Variants in SPAG16 observed in about 807,000 individuals in gnomAD.
SPAG16 encodes the protein sperm-associated antigen 16 protein.
A neutral mutation model predicts 80.4 loss-of-function variants in SPAG16; 86 were observed. The observed-to-expected ratio is 1.07, with a 90% confidence interval of 0.90 to 1.28. SPAG16 has a LOEUF of 1.28. SPAG16 is among the 50% of genes most tolerant of loss of function. SPAG16 has a pLI of 0.00. For missense variants in SPAG16, 870 were observed against 765.3 expected, an observed-to-expected ratio of 1.14 and a Z score of -1.61; for synonymous variants, 294 against 265.9, an observed-to-expected ratio of 1.11 and a Z score of -1.03.
chr2:214,046,040 T>A (rs779427332), intron 13 of SPAG16, among the ~76,000 whole-genome samples: 5 of 151,918 alleles, frequency 3.3e-5, no homozygotes, highest in Non-Finnish European at 1.5e-5. Context: ...ACCATAGAAA[T>A]TGAAAGGATT....
At chr2:213,350,452 A>AG (rs2125043052) in intron 6 of SPAG16, 76 bp from the exon 7 acceptor site, 2 of 719,516 alleles carry the variant, frequency 2.8e-6, no homozygotes, top group Non-Finnish European at 2.2e-6. Flanking sequence ...AAAGAAAAAA[A>AG]GGTTTTGATG....
intron 10 of SPAG16, among the ~76,000 whole-genome samples, chr2:213,586,089 T>G (rs1303433371): frequency 6.6e-6 from 1 of 152,220 alleles, no homozygotes; most frequent in Non-Finnish European, 1.5e-5. Flanking sequence ...CTTAAATTCT[T>G]CTTAGCCATA....
At chr2:214,198,668 G>A (rs991215516) in intron 15 of SPAG16, among the ~76,000 whole-genome samples, 10 of 151,924 alleles carry the variant, frequency 6.6e-5, no homozygotes, top group African/African-American at 2.2e-4. Context: ...TCTTTAAGGA[G>A]GCTCTATACT....
chr2:214,152,574 G>A (rs536105184), intron 15 of SPAG16, among the ~76,000 whole-genome samples: 6 of 152,102 alleles, frequency 3.9e-5, no homozygotes, highest in Non-Finnish European at 8.8e-5. Flanking sequence ...CCCTGTGTGC[G>A]GCGACGAGAG....
intron 11 of SPAG16, among the ~76,000 whole-genome samples, chr2:213,870,150 C>T (rs2075890648): frequency 6.6e-6 from 1 of 152,146 alleles, no homozygotes; most frequent in South Asian, 2.1e-4. Flanking sequence ...ATGAAAGTCA[C>T]ATTTTCAGCT....
At chr2:213,879,408 TAC>T (rs987531432) in intron 11 of SPAG16, among the ~76,000 whole-genome samples, 3 of 151,102 alleles carry the variant, frequency 2.0e-5, no homozygotes, top group Admixed American at 6.6e-5. Flanking sequence ...TATATACATA[TAC>T]ACACACACAC....
chr2:213,600,652 T>G (rs899386321), intron 10 of SPAG16, among the ~76,000 whole-genome samples: 1 of 152,210 alleles, frequency 6.6e-6, no homozygotes, highest in African/African-American at 2.4e-5. Context: ...GGAATGATGA[T>G]GTATTAGTTT....
At chr2:213,697,768 C>T (rs2065222839) in intron 10 of SPAG16, among the ~76,000 whole-genome samples, 1 of 152,148 alleles carries the variant, frequency 6.6e-6, no homozygotes, top group Admixed American at 6.5e-5. Flanking sequence ...TATCCTCTCT[C>T]TTCTTTCAGG....
At chr2:213,928,565 AT>A (rs2078599806) in intron 11 of SPAG16, among the ~76,000 whole-genome samples, 1 of 152,140 alleles carries the variant, frequency 6.6e-6, no homozygotes, top group African/African-American at 2.4e-5. Flanking sequence ...AAAACAAAAT[AT>A]TTTTTGATTC....
chr2:213,295,619 T>G (rs1221495695), intron 1 of SPAG16, among the ~76,000 whole-genome samples: 3 of 152,122 alleles, frequency 2.0e-5, no homozygotes, highest in Non-Finnish European at 4.4e-5. Context: ...TTAAACCAAA[T>G]AAAGTCACAT....
At chr2:213,459,787 G>A (rs919302699) in intron 9 of SPAG16, among the ~76,000 whole-genome samples, 1 of 152,164 alleles carries the variant, frequency 6.6e-6, no homozygotes, top group African/African-American at 2.4e-5. Context: ...ATTATCCAAT[G>A]CTTTCAAACA....
intron 10 of SPAG16, among the ~76,000 whole-genome samples, chr2:213,786,510 A>G (rs531775964): frequency 9.8e-5 from 15 of 152,348 alleles, no homozygotes; most frequent in African/African-American, 3.4e-4. Context: ...TTTCTGTTTC[A>G]TAAAACAACT....
intron 14 of SPAG16, among the ~76,000 whole-genome samples, chr2:214,137,256 G>T (rs1178127729): frequency 2.2e-4 from 34 of 151,778 alleles, no homozygotes; most frequent in Admixed American, 2.2e-3. Flanking sequence ...AGACAATTTT[G>T]CATGCTGCTA....
chr2:213,923,540 C>T (rs2078320325), intron 11 of SPAG16, among the ~76,000 whole-genome samples: 1 of 152,168 alleles, frequency 6.6e-6, no homozygotes, highest in African/African-American at 2.4e-5. Context: ...GCTGAGTTCC[C>T]TCTGAAGCAG....
intron 10 of SPAG16, among the ~76,000 whole-genome samples, chr2:213,800,720 G>C (rs2071343142): frequency 6.6e-6 from 1 of 152,068 alleles, no homozygotes; most frequent in South Asian, 2.1e-4. Context: ...CAGCCTACAG[G>C]TATACTACAT....
At position 214,191,101 on chromosome 2, in the gene SPAG16, A is replaced by G. The variant is rs572031790; in HGVS notation, c.1720+41835A>G. Among the ~76,000 whole-genome samples, 7 of 152,230 alleles carry G rather than the reference A, an allele frequency of 4.6e-5. No homozygotes were observed. In the East Asian group the frequency reaches 1.4e-3, roughly 29 times the overall value. On this transcript the variant is annotated intron_variant, in intron 15 of 15. Transcript: ENST00000331683. ...ATTATCCATTCTTCTTCTGAATTCT[A>G]GATAGAATCACAGAATGACAGAATT...
chr2:213,332,379 G>T (rs924619571), intron 5 of SPAG16, among the ~76,000 whole-genome samples: 4 of 152,058 alleles, frequency 2.6e-5, no homozygotes, highest in African/African-American at 7.2e-5. Flanking sequence ...CAATAAACAA[G>T]ATTGAAGCTG....
intron 3 of SPAG16, among the ~76,000 whole-genome samples, chr2:213,297,847 C>G (rs1459612039): frequency 1.3e-5 from 2 of 152,068 alleles, no homozygotes; most frequent in Admixed American, 1.3e-4. Flanking sequence ...GTGCATAAAA[C>G]TGATGGCATT....
chr2:213,699,400 G>T (rs932142458), intron 10 of SPAG16, among the ~76,000 whole-genome samples: 2 of 152,058 alleles, frequency 1.3e-5, no homozygotes, highest in African/African-American at 4.8e-5. Flanking sequence ...TAGTAAAGAT[G>T]GGAAGAAAAT....
Sources: allele counts gnomAD v4.1 joint callset (sites outside exome capture counted in the v4.1 genomes callset), GRCh38; gene constraint gnomAD v4.1.1; transcripts MANE v1.5; gene names NCBI Gene and HGNC (gene_info 2026-07-23, HGNC 2026-07-21).